Variants in RNF121 observed in about 807,000 individuals in gnomAD.
RNF121 encodes E3 ubiquitin ligase RNF121.
A neutral mutation model predicts 46.5 loss-of-function variants in RNF121; 21 were observed. The ratio of observed to expected loss-of-function variants is 0.45; its 90% confidence interval spans 0.32 to 0.65. The LOEUF is 0.65. RNF121 is among the 30% of genes least tolerant of loss of function. The pLI is 0.04. For missense variants in RNF121, 346 were observed against 416.0 expected (o/e 0.83, Z 1.46); for synonymous variants, 139 against 144.7 (o/e 0.96, Z 0.28).
intron 3 of RNF121, among the ~76,000 whole-genome samples, chr11:71,968,625 T>C (rs1349463099): frequency 6.6e-6 from 1 of 152,210 alleles, no homozygotes; most frequent in Non-Finnish European, 1.5e-5. Context: ...TGTAATTACG[T>C]AGACATAATT....
At chr11:71,979,142 G>C (rs1954593973) in intron 3 of RNF121, among the ~76,000 whole-genome samples, 1 of 152,226 alleles carries the variant, frequency 6.6e-6, no homozygotes, top group Non-Finnish European at 1.5e-5. Context: ...ATGAGTGAGT[G>C]GGTGAACACT....
rs562591026 is a variant in RNF121, at chr11:71,991,296, T to C, written c.627+579T>C. Among the ~76,000 whole-genome samples, 3 of 152,250 alleles carry C rather than the reference T, an allele frequency of 2.0e-5. No homozygotes were observed. In the East Asian group the frequency reaches 5.8e-4, roughly 29 times the overall value. On this transcript the variant is annotated intron_variant, in intron 6 of 8. Transcript: ENST00000361756. ...ATAATTTTTCTCTTTAGGGCCATTA[T>C]AGGAAAGAGCCACTTTATCCAGCAG...
intron 1 of RNF121, among the ~76,000 whole-genome samples, chr11:71,952,674 T>G (rs1953909623): frequency 6.6e-6 from 1 of 152,118 alleles, no homozygotes. Context: ...CCAGGCGTGG[T>G]GGCGCATGCC....
At chr11:71,984,856 G>A (rs1477873737) in intron 4 of RNF121, among the ~76,000 whole-genome samples, 1 of 148,264 alleles carries the variant, frequency 6.7e-6, no homozygotes, top group Non-Finnish European at 1.5e-5. Context: ...CAAAGTGCTG[G>A]AATTACAAGT....
intron 5 of RNF121, among the ~76,000 whole-genome samples, chr11:71,989,192 T>C (rs532143712): frequency 6.6e-6 from 1 of 152,262 alleles, no homozygotes; most frequent in African/African-American, 2.4e-5. Flanking sequence ...ATGATTCTCC[T>C]GCCTCAGCCT....
At chr11:71,949,309 T>C (rs1953806329) in intron 1 of RNF121, among the ~76,000 whole-genome samples, 1 of 152,008 alleles carries the variant, frequency 6.6e-6, no homozygotes, top group South Asian at 2.1e-4. Context: ...TCCCAGCTAC[T>C]CAGGAAACTG....
chr11:71,971,233 A>G (rs1227690418), intron 3 of RNF121, among the ~76,000 whole-genome samples: 2 of 152,056 alleles, frequency 1.3e-5, no homozygotes, highest in African/African-American at 4.8e-5. Flanking sequence ...AAAATAAAAA[A>G]ATTAGCCAGG....
At chr11:71,978,100 C>T (rs764326149) in intron 3 of RNF121, 7 of 329,208 alleles carry the variant, frequency 2.1e-5, no homozygotes, top group South Asian at 4.2e-5. Context: ...GGGGTTTCAC[C>T]GTGTTGCCCA....
intron 1 of RNF121, among the ~76,000 whole-genome samples, chr11:71,940,553 A>G (rs1204727404): frequency 6.6e-6 from 1 of 152,212 alleles, no homozygotes; most frequent in Non-Finnish European, 1.5e-5. Context: ...TAAAAAAGGT[A>G]GGTTGGGGCC....
chr11:71,950,033 A>AC (rs1953832000), intron 1 of RNF121, among the ~76,000 whole-genome samples: 3 of 151,824 alleles, frequency 2.0e-5, no homozygotes, highest in African/African-American at 7.3e-5. Flanking sequence ...ACACACACAC[A>AC]AAACTCGCAC....
At chr11:71,944,728 C>T (rs973202562) in intron 1 of RNF121, among the ~76,000 whole-genome samples, 2 of 151,944 alleles carry the variant, frequency 1.3e-5, no homozygotes, top group Non-Finnish European at 1.5e-5. Context: ...CACAGTGACT[C>T]GAGAAGTACA....
chr11:71,950,741 C>T (rs1437345462), intron 1 of RNF121, among the ~76,000 whole-genome samples: 2 of 151,844 alleles, frequency 1.3e-5, no homozygotes, highest in Admixed American at 1.3e-4. Flanking sequence ...CAAGCTCCGC[C>T]CCCTGGGTTC....
intron 1 of RNF121, among the ~76,000 whole-genome samples, chr11:71,951,184 A>G (rs920943259): frequency 1.4e-5 from 2 of 144,074 alleles, no homozygotes; most frequent in African/African-American, 2.6e-5. Context: ...AGATTGTGCC[A>G]TTGCACAAGA....
chr11:71,990,358 G>A (rs554380180), intron 5 of RNF121, among the ~76,000 whole-genome samples: 2 of 152,210 alleles, frequency 1.3e-5, no homozygotes, highest in Non-Finnish European at 2.9e-5. Context: ...GAGGAAAAGG[G>A]GTAGGAGGGG....
chr11:71,977,637 C>T (rs1033282352), intron 3 of RNF121, among the ~76,000 whole-genome samples: 4 of 152,226 alleles, frequency 2.6e-5, no homozygotes, highest in East Asian at 1.9e-4. Flanking sequence ...TGTATTTGCA[C>T]ATTCAGGGAG....
intron 1 of RNF121, among the ~76,000 whole-genome samples, chr11:71,947,107 C>T (rs1953744820): frequency 6.6e-6 from 1 of 152,032 alleles, no homozygotes; most frequent in African/African-American, 2.4e-5. Flanking sequence ...TCAGATGACC[C>T]GCCTGCCTGG....
At chr11:71,992,124 A>G (rs1305058142) in intron 6 of RNF121, among the ~76,000 whole-genome samples, 2 of 152,204 alleles carry the variant, frequency 1.3e-5, no homozygotes, top group African/African-American at 4.8e-5. Context: ...AAAATTCACA[A>G]AATGTATAAT....
rs539570224 is a variant in RNF121, at chr11:71,992,274, A to G, written c.627+1557A>G. ...GAACTCTTATTCCTTGATTTAACCC[A>G]CAGCCGCTACAACAACAGCCACTGT... On this transcript the variant is annotated intron_variant, in intron 6 of 8. Transcript: ENST00000361756. 7.7e-4 allele frequency among the ~76,000 whole-genome samples: 118 copies of G among 152,332 alleles called. 1 individual carries two copies. Among genetic ancestry groups the G allele is most frequent in the African/African-American group, 2.8e-3 (117 of 41,560 alleles).
intron 3 of RNF121, among the ~76,000 whole-genome samples, chr11:71,967,874 G>T (rs796579287): frequency 1.4e-4 from 22 of 152,222 alleles, no homozygotes; most frequent in African/African-American, 5.1e-4. Context: ...TGAGCCATAT[G>T]ATATATTTGG....
Sources: gnomAD v4.1 joint callset for allele counts (sites outside exome capture counted in the v4.1 genomes callset) on GRCh38, gnomAD v4.1.1 for gene constraint, MANE v1.5 for transcripts, NCBI Gene and HGNC (gene_info 2026-07-23, HGNC 2026-07-21) for gene names.